The following ANKRD13B variants were observed in gnomAD, a reference collection of about 807,000 sequenced individuals.
The protein encoded by ANKRD13B is ankyrin repeat domain-containing protein 13B.
ANKRD13B carries 33 observed loss-of-function variants against 74.4 expected under a neutral mutation model. That is an observed-to-expected ratio of 0.44 (90% CI 0.34 to 0.59). The LOEUF (loss-of-function observed/expected upper bound fraction) is 0.59. Among genes scored for constraint, ANKRD13B ranks in the 20% least tolerant of loss-of-function variants. The pLI, the probability that ANKRD13B is intolerant of heterozygous loss-of-function variation, is 0.02. For synonymous variants in ANKRD13B, 341 were observed against 362.9 expected, an observed-to-expected ratio of 0.94 and a Z score of 0.68; for missense variants, 676 against 877.9, an observed-to-expected ratio of 0.77 and a Z score of 2.91.
Position 29,607,755 on chromosome 17 carries a change from A to G in ANKRD13B, c.128A>G (p.Gln43Arg). The G allele has an allele frequency of 1.3e-6, 2 of 1,599,548 alleles. No homozygotes were observed. The highest frequency in any genetic ancestry group is 8.5e-7 in the Non-Finnish European group (1 of 1,179,280). ...EVRAGQVDIE[Q>R]LDPRGRTPLH... ...CTCCTCCTCCAGGTGGACATCGAGC[A>G]GCTGGATCCCCGCGGCCGGACTCCC... Residue 43 changes from glutamine (Q) to arginine (R), a missense_variant, in exon 2 of 15, where the codon CAG (glutamine) becomes CGG (arginine). Gln to Arg is a conservative substitution (Grantham distance 43). Around this residue, in one of 4 missense-constraint regions of ANKRD13B, gnomAD observed 88 missense variants for 87.8 expected, o/e 1.00. Coordinates refer to ENST00000394859, the MANE Select transcript of ANKRD13B (RefSeq NM_152345.5).
At position 29,593,755 on chromosome 17, in the gene ANKRD13B, G is replaced by A. The variant is rs1398929488; in HGVS notation, c.114+20G>A. ...GGCCAGGTAGGAGCGCCTTCGGGGC[G>A]CCGCGGGGACCCCGCGGCCGGGCAC... On this transcript the variant is annotated intron_variant, in intron 1 of 14. Coordinates refer to ENST00000394859, the MANE Select transcript of ANKRD13B (RefSeq NM_152345.5). 7.4e-7 allele frequency: 1 copy of A among 1,358,872 alleles called. No individual in the cohort carries two copies. Among genetic ancestry groups the A allele is most frequent in the Non-Finnish European group, 9.6e-7 (1 of 1,045,676 alleles). The allele number at this position is 1,358,872 out of a possible 1,614,324, so 84.2% of individuals were successfully genotyped here. A position where few individuals can be genotyped will look rare whatever the true frequency, so the allele number is the denominator to read the frequency against.
At chr17:29,596,352 C>T (rs112227194) in intron 1 of ANKRD13B, among the ~76,000 whole-genome samples, 6 of 152,320 alleles carry the variant, frequency 3.9e-5, no homozygotes, top group East Asian at 3.9e-4. Flanking sequence ...GATGCCAGCC[C>T]GGTGCCCTGC....
At position 29,609,095 on chromosome 17, in the gene ANKRD13B, C is replaced by T. The variant is rs1292272061; in HGVS notation, c.575C>T (p.Ala192Val). ...GTTCCGTGTCTGGCAGACACAAGCG[C>T]CGTGGTCATGGAGATTGACCACGAC... Reference protein sequence around the residue: ...SFVFRGQDTSAVVMEIDHDRR... With the variant: ...SFVFRGQDTSVVVMEIDHDRR... The change falls in exon 6 of 15, where the codon GCC becomes GTC. Residue 192 changes from alanine to valine, a missense_variant. Physicochemically the swap from Ala to Val is moderately conservative, Grantham distance 64. Coordinates refer to ENST00000394859, the MANE Select transcript of ANKRD13B (RefSeq NM_152345.5). The surrounding 1 kb of genome is among the most constrained non-coding windows in gnomAD (Gnocchi z 4.0). 1.2e-6 allele frequency: 2 copies of T among 1,610,702 alleles called. No homozygotes were observed. The highest frequency in any genetic ancestry group is 2.2e-5 in the East Asian group (1 of 44,870).
intron 1 of ANKRD13B, among the ~76,000 whole-genome samples, chr17:29,605,163 A>G (rs2034322505): frequency 6.6e-6 from 1 of 152,078 alleles, no homozygotes; most frequent in Non-Finnish European, 1.5e-5. Context: ...CTCTGCTGCA[A>G]CCTTTAATAC....
At position 29,611,666 on chromosome 17, in the gene ANKRD13B, G is replaced by T. The variant is rs375444481; in HGVS notation, c.969+23G>T. On this transcript the variant is annotated intron_variant, in intron 9 of 14. Transcript: ENST00000394859. The surrounding 1 kb of genome is among the most constrained non-coding windows in gnomAD (Gnocchi z 4.3). ...GGGGTGAGTGTGTGCAGGGGTACCC[G>T]TAAGTGGAGGGATGTGGATGTGGCT... The T allele has an allele frequency of 6.2e-7, 1 of 1,612,064 alleles. No homozygotes were observed.
In ANKRD13B at chr17:29,613,660, G is replaced by C; in HGVS notation, c.*78G>C. The C allele has an allele frequency of 2.2e-6, 3 of 1,372,510 alleles. No homozygotes were observed. Among genetic ancestry groups the C allele is most frequent in the South Asian group, 1.7e-5 (1 of 60,434 alleles). 85.0% of individuals were successfully genotyped at this position (1,372,510 alleles called of 1,614,324 possible). A position where few individuals can be genotyped will look rare whatever the true frequency, so the allele number is the denominator to read the frequency against. On this transcript the variant is annotated 3_prime_UTR_variant, in exon 15 of 15. Coordinates refer to ENST00000394859, the MANE Select transcript of ANKRD13B (RefSeq NM_152345.5). ...GAGCCAGACAAACCCCGGCCTGCGCGCCTGCAGAGCGGCGGCTGGAGACTG... is the reference window on the plus strand; with the variant it reads ...GAGCCAGACAAACCCCGGCCTGCGCCCCTGCAGAGCGGCGGCTGGAGACTG...
At chr17:29,595,549 C>A (rs1365683457) in intron 1 of ANKRD13B, among the ~76,000 whole-genome samples, 1 of 152,048 alleles carries the variant, frequency 6.6e-6, no homozygotes, top group African/African-American at 2.4e-5. Context: ...GGGTGGCCAT[C>A]TTGCTGGGGT....
chr17:29,613,223 C>T, intron 14 of ANKRD13B, 131 bp from the exon 15 acceptor site: 1 of 1,370,720 alleles, frequency 7.3e-7, no homozygotes, highest in Non-Finnish European at 9.6e-7. Context: ...GGGGCCAGGA[C>T]GCCGCGGGAC....
intron 1 of ANKRD13B, among the ~76,000 whole-genome samples, chr17:29,600,811 T>C (rs2034146246): frequency 6.6e-6 from 1 of 152,184 alleles, no homozygotes; most frequent in Admixed American, 6.5e-5. Context: ...TCTGCTCCCC[T>C]AAGTCAGTTG....
Position 29,613,531 on chromosome 17 carries a change from G to A in ANKRD13B, c.1830G>A (p.Gln610=), listed in dbSNP as rs1230364516. ...AGGAGAGGCGGCGGCGCGCGCGCCA[G>A]GAGGAGGAGGAGCTGGAGCGCATCC... ...EQEERRRRAR[Q]EEEELERILR... The change falls in exon 15 of 15, where the codon CAG becomes CAA. Residue 610 remains glutamine (Q), a synonymous_variant. Transcript: ENST00000394859. The A allele has an allele frequency of 2.0e-6, 3 of 1,520,496 alleles. No homozygotes were observed. The highest frequency in any genetic ancestry group is 1.2e-5 in the South Asian group (1 of 81,080). The allele number at this position is 1,520,496 out of a possible 1,614,324, so 94.2% of individuals were successfully genotyped here. A position where few individuals can be genotyped will look rare whatever the true frequency, so the allele number is the denominator to read the frequency against.
chr17:29,606,728 TAAAAAAAAAAAAAAAAA>T (rs370548766), intron 1 of ANKRD13B, among the ~76,000 whole-genome samples: 5 of 62,950 alleles, frequency 7.9e-5, no homozygotes, highest in Non-Finnish European at 1.4e-4. Flanking sequence ...CTGTCTCAAG[TAAAAAAAAAAAAAAAAA>T]AAAAAAAAAA....
At chr17:29,607,702 G>C (rs370033767) in intron 1 of ANKRD13B, 40 bp from the exon 2 acceptor site, 39 of 1,572,578 alleles carry the variant, frequency 2.5e-5, no homozygotes, top group Non-Finnish European at 3.3e-5. Context: ...TGCCTCCGAC[G>C]TGACTGGGGC....
chr17:29,594,396 C>T (rs1194399130), intron 1 of ANKRD13B, among the ~76,000 whole-genome samples: 1 of 152,194 alleles, frequency 6.6e-6, no homozygotes, highest in Non-Finnish European at 1.5e-5. Context: ...GCCCTGGCTG[C>T]TGGAAGGACT....
intron 1 of ANKRD13B, among the ~76,000 whole-genome samples, chr17:29,596,456 G>T (rs1255005016): frequency 6.6e-6 from 1 of 152,232 alleles, no homozygotes; most frequent in Non-Finnish European, 1.5e-5. Context: ...GGCCAGCTGG[G>T]CATGGTCCTG....
chr17:29,599,874 T>TG (rs1567786184), intron 1 of ANKRD13B, among the ~76,000 whole-genome samples: 13 of 116,818 alleles, frequency 1.1e-4, no homozygotes, highest in Non-Finnish European at 1.9e-4. Flanking sequence ...TGTTTTTTTT[T>TG]TTTTTTTTTT....
intron 1 of ANKRD13B, 110 bp from the exon 2 acceptor site, chr17:29,607,632 G>A: frequency 2.8e-6 from 4 of 1,442,846 alleles, no homozygotes; most frequent in Non-Finnish European, 3.7e-6. Context: ...GTGAGGCAGA[G>A]CAGCCCCAGC....
At chr17:29,603,346 A>C (rs1458976677) in intron 1 of ANKRD13B, among the ~76,000 whole-genome samples, 1 of 151,938 alleles carries the variant, frequency 6.6e-6, no homozygotes, top group East Asian at 1.9e-4. Flanking sequence ...GGCTCAAGGG[A>C]TCCTCCTGCC....
rs769516438 is a variant in ANKRD13B, at chr17:29,612,464, G to A, written c.1321G>A (p.Glu441Lys). The A allele has an allele frequency of 2.5e-6, 4 of 1,604,092 alleles. No homozygotes were observed. Among genetic ancestry groups the A allele is most frequent in the Non-Finnish European group, 2.6e-6 (3 of 1,175,396 alleles). The part of the protein sequence containing the change: ...ITFGNLNGCD[E>K]PVPSVRGSPS... Reference sequence around the variant, plus strand: ...CTTCGGGAACCTCAACGGCTGCGACGAACCGGTGCCATCGGTGCGAGGCAG... The same window carrying A: ...CTTCGGGAACCTCAACGGCTGCGACAAACCGGTGCCATCGGTGCGAGGCAG... Residue 441 changes from glutamate to lysine, a missense_variant, in exon 12 of 15, where the codon GAA becomes AAA. Around this residue, in one of 4 missense-constraint regions of ANKRD13B, gnomAD observed 328 missense variants for 518.4 expected, o/e 0.63. Transcript: ENST00000394859. This position sits in a 1 kb window ranked among gnomAD's most constrained non-coding sequence, Gnocchi z 6.1.
At chr17:29,604,849 TA>T (rs2034313380) in intron 1 of ANKRD13B, among the ~76,000 whole-genome samples, 1 of 152,214 alleles carries the variant, frequency 6.6e-6, no homozygotes, top group African/African-American at 2.4e-5. Flanking sequence ...GGCCTGAGGC[TA>T]ATTTTTAATC....
Sources: allele counts gnomAD v4.1 joint callset (sites outside exome capture counted in the v4.1 genomes callset), GRCh38; gene constraint gnomAD v4.1.1; regional missense constraint gnomAD v4.1.1; non-coding constraint Gnocchi (gnomAD v3.1); transcripts MANE v1.5; gene names NCBI Gene and HGNC (gene_info 2026-07-23, HGNC 2026-07-21).